CCDC175: variants seen among roughly 807,000 people sequenced by gnomAD.
The protein encoded by CCDC175 is coiled-coil domain containing 175.
In CCDC175, 100 loss-of-function variants were observed where a neutral mutation model predicts 114.6. The ratio of observed to expected loss-of-function variants is 0.87; its 90% CI spans 0.74 to 1.03. The LOEUF is 1.03. Among genes scored for constraint, CCDC175 ranks in the 50% least tolerant of loss-of-function variants. The pLI, the probability that CCDC175 is intolerant of heterozygous loss-of-function variation, is 0.00. For missense variants in CCDC175, 880 were observed against 917.8 expected (o/e 0.96, Z 0.53); for synonymous variants, 306 against 308.7 (o/e 0.99, Z 0.09).
intron 6 of CCDC175, 28 bp from the exon 7 acceptor site, chr14:59,561,256 A>T: frequency 8.3e-7 from 1 of 1,211,150 alleles, no homozygotes. Context: ...AAAATATGGC[A>T]TCCAATCATC....
intron 3 of CCDC175, among the ~76,000 whole-genome samples, chr14:59,572,303 A>T (rs12885153): frequency 0.43 from 64,734 of 152,030 alleles, 15,995 homozygotes; most frequent in East Asian, 0.84. Context: ...AACCTTGAGG[A>T]TATTATGCTA....
intron 19 of CCDC175, among the ~76,000 whole-genome samples, chr14:59,508,120 C>G (rs1892530906): frequency 6.6e-6 from 1 of 152,040 alleles, no homozygotes; most frequent in Non-Finnish European, 1.5e-5. Flanking sequence ...CCCCGACCCC[C>G]CACACACCTC....
At chr14:59,539,968 G>A (rs1327899887) in intron 11 of CCDC175, among the ~76,000 whole-genome samples, 1 of 151,958 alleles carries the variant, frequency 6.6e-6, no homozygotes, top group African/African-American at 2.4e-5. Flanking sequence ...CTAATCTGGT[G>A]GCTGAGGCAT....
chr14:59,564,083 T>G (rs1305103606), intron 5 of CCDC175, among the ~76,000 whole-genome samples: 1 of 152,160 alleles, frequency 6.6e-6, no homozygotes, highest in African/African-American at 2.4e-5. Context: ...TTATTGAATA[T>G]TGAAATAGTA....
At chr14:59,544,123 G>A (rs781374335) in intron 9 of CCDC175, among the ~76,000 whole-genome samples, 3 of 152,140 alleles carry the variant, frequency 2.0e-5, no homozygotes, top group Non-Finnish European at 4.4e-5. Flanking sequence ...AATTTAATAA[G>A]ATGTAAAGTG....
intron 4 of CCDC175, among the ~76,000 whole-genome samples, chr14:59,566,311 C>T (rs1382423830): frequency 2.0e-5 from 3 of 152,186 alleles, no homozygotes; most frequent in Non-Finnish European, 4.4e-5. Flanking sequence ...CAATTGGTGC[C>T]ATTTCTCTAT....
chr14:59,507,007 A>G (rs1020195429), intron 19 of CCDC175, among the ~76,000 whole-genome samples: 1 of 152,272 alleles, frequency 6.6e-6, no homozygotes, highest in Non-Finnish European at 1.5e-5. Context: ...TACTTTAAAA[A>G]TAACTGTACT....
chr14:59,557,621 AAAAG>A (rs1895989433), intron 7 of CCDC175, among the ~76,000 whole-genome samples: 1 of 101,284 alleles, frequency 9.9e-6, no homozygotes, highest in Non-Finnish European at 2.5e-5. Context: ...ATAAAAAACA[AAAAG>A]AAAAAGAAAA....
intron 17 of CCDC175, among the ~76,000 whole-genome samples, 187 bp from the exon 18 acceptor site, chr14:59,511,990 A>G (rs891067718): frequency 1.3e-5 from 2 of 152,182 alleles, no homozygotes; most frequent in African/African-American, 2.4e-5. Flanking sequence ...GAAGCAAAAC[A>G]TATGAAAGAA....
intron 8 of CCDC175, among the ~76,000 whole-genome samples, chr14:59,547,572 A>G (rs1187415126): frequency 6.6e-6 from 1 of 152,234 alleles, no homozygotes; most frequent in Non-Finnish European, 1.5e-5. Context: ...ATTTATGACA[A>G]TAGTATGACC....
At chr14:59,540,551 T>C in intron 11 of CCDC175, 124 bp downstream of exon 11, 1 of 1,095,122 alleles carries the variant, frequency 9.1e-7, no homozygotes, top group Non-Finnish European at 1.3e-6. Flanking sequence ...TTACACATAA[T>C]TTAGGAAAAT....
chr14:59,573,754 A>G (rs925279666), intron 2 of CCDC175, among the ~76,000 whole-genome samples: 1 of 151,936 alleles, frequency 6.6e-6, no homozygotes. Context: ...CTAGGATTAC[A>G]GGCTCCCGCC....
intron 6 of CCDC175, among the ~76,000 whole-genome samples, chr14:59,562,783 C>T (rs896243760): frequency 2.0e-5 from 3 of 152,178 alleles, no homozygotes; most frequent in African/African-American, 7.2e-5. Flanking sequence ...TGAGCGTGGG[C>T]ATGCAGATAG....
chr14:59,544,294 G>A (rs1454708013), intron 9 of CCDC175, among the ~76,000 whole-genome samples: 1 of 152,100 alleles, frequency 6.6e-6, no homozygotes, highest in Non-Finnish European at 1.5e-5. Flanking sequence ...AGCTTTCAGA[G>A]TAGCTGGGAT....
chr14:59,545,173 T>C lies in CCDC175; in HGVS notation c.1162A>G (p.Ile388Val), dbSNP rs1224573192. ...EEKAFLQKQK[I>V]HDENQKQLTF... is the part of the protein sequence containing the mutation. ...TGGGTAAAGACATACTCATCATGAA[T>C]CTTTTGTTTTTGCAAAAAAGCTTTT... The change falls in exon 9 of 20, where the codon ATT (isoleucine) becomes GTT (valine). Residue 388 changes from isoleucine (I) to valine (V), a missense_variant. Physicochemically the swap from Ile to Val is conservative, Grantham distance 29. Transcript: ENST00000537690. 1.3e-6 allele frequency: 2 copies of C among 1,536,808 alleles called. No homozygotes were observed. The highest frequency in any genetic ancestry group is 1.4e-5 in the African/African-American group (1 of 72,994).
rs985181129 is a variant in CCDC175 at position 59,540,414 on chromosome 14, G to C, written c.1355+261C>G. On this transcript the variant is annotated intron_variant, in intron 11 of 19. Coordinates refer to ENST00000537690, the MANE Select transcript of CCDC175 (RefSeq NM_001164399.2). ...ACAAAGAGGCCTGGATGAGCAAAAG[G>C]CATTGCACAAATATTAGCAATTTTA... Among the ~76,000 whole-genome samples, 14 of 141,190 alleles carry C rather than the reference G, an allele frequency of 9.9e-5. 1 individual carries two copies. Among genetic ancestry groups the C allele is most frequent in the Admixed American group, 9.8e-4 (14 of 14,270 alleles). 92.6% of individuals were successfully genotyped at this position (141,190 alleles called of 152,430 possible). A position where few individuals can be genotyped will look rare whatever the true frequency, so the allele number is the denominator to read the frequency against.
chr14:59,511,778 T>G lies in CCDC175; in HGVS notation c.2124A>C (p.Glu708Asp). The part of the protein sequence containing the change: ...QEAQYKDLWA[E>D]FQTTVKILVD... ...AACTCACCTTAACTGTGGTCTGAAA[T>G]TCAGCCCACAAATCCTTATATTGTG... Residue 708 changes from glutamate to aspartate, a missense_variant, in exon 18 of 20, where the codon GAA becomes GAC. Transcript: ENST00000537690. 4 of 1,536,310 alleles carry G rather than the reference T, an allele frequency of 2.6e-6. No homozygotes were observed. The highest frequency in any genetic ancestry group is 3.5e-6 in the Non-Finnish European group (4 of 1,146,162).
At position 59,543,175 on chromosome 14, in the gene CCDC175, A is replaced by C. The variant is rs559463702; in HGVS notation, c.1283+169T>G. Among the ~76,000 whole-genome samples the C allele has an allele frequency of 3.0e-4, 45 of 152,266 alleles. 1 individual carries two copies. In the South Asian group the frequency reaches 6.8e-3, roughly 23 times the overall value. On this transcript the variant is annotated intron_variant, in intron 10 of 19. Transcript: ENST00000537690. ...GAATTCAGAACCTGTTTATCCTTTC[A>C]ATGAAAAAGTCCATGAGAGTGACTT...
intron 7 of CCDC175, among the ~76,000 whole-genome samples, chr14:59,558,432 C>T (rs532287969): frequency 6.6e-6 from 1 of 152,216 alleles, no homozygotes; most frequent in East Asian, 1.9e-4. Context: ...GCTAAAGCTA[C>T]AGTGGTGGCA....
Sources: gnomAD v4.1 joint callset for allele counts (sites outside exome capture counted in the v4.1 genomes callset) on GRCh38, gnomAD v4.1.1 for gene constraint, MANE v1.5 for transcripts, NCBI Gene and HGNC (gene_info 2026-07-23, HGNC 2026-07-21) for gene names.